The following TANC1 variants were observed in gnomAD, a reference collection of about 807,000 sequenced individuals.
The protein encoded by TANC1 is protein TANC1.
Under a neutral mutation model 149.7 loss-of-function variants are expected in TANC1, and 77 were observed. The ratio of observed to expected loss-of-function variants is 0.51; its 90% CI spans 0.43 to 0.62. The LOEUF is 0.62. Ranked by LOEUF, TANC1 falls within the 20% of genes least tolerant of loss-of-function variation. The pLI is 0.00. For synonymous variants in TANC1, 854 were observed against 925.0 expected (o/e 0.92, Z 1.39); for missense variants, 1,985 against 2,321.8 (o/e 0.85, Z 2.98).
intron 2 of TANC1, among the ~76,000 whole-genome samples, chr2:159,034,815 T>C (rs1319121159): frequency 1.3e-5 from 2 of 152,230 alleles, no homozygotes; most frequent in Non-Finnish European, 2.9e-5. Flanking sequence ...TTCTGTGGTA[T>C]TGTTTCCACT....
intron 13 of TANC1, among the ~76,000 whole-genome samples, 167 bp downstream of exon 13, chr2:159,176,685 T>A (rs2055889358): frequency 6.6e-6 from 1 of 152,152 alleles, no homozygotes; most frequent in Non-Finnish European, 1.5e-5. Context: ...AACTCTGACC[T>A]TTTTAGCCCC....
Position 159,230,160 on chromosome 2 carries a change from A to T in TANC1, c.4734A>T (p.Arg1578Ser). 5.0e-6 allele frequency: 8 copies of T among 1,614,084 alleles called. No homozygotes were observed. Among genetic ancestry groups the T allele is most frequent in the Non-Finnish European group, 6.8e-6 (8 of 1,180,004 alleles). The part of the protein sequence containing the change: ...GRIAATPAGS[R>S]TQHLEGTGTF... ...TCGCTGCCACTCCTGCTGGGAGCAGAACCCAGCATTTAGAGGGAACAGGTA... is the reference window on the plus strand; with the variant it reads ...TCGCTGCCACTCCTGCTGGGAGCAGTACCCAGCATTTAGAGGGAACAGGTA... Residue 1578 changes from arginine to serine, a missense_variant, in exon 27 of 27, where the codon AGA (arginine) becomes AGT (serine). Arg to Ser is a moderately radical substitution (Grantham distance 110, BLOSUM62 -1). Transcript: ENST00000263635. This position sits in a 1 kb window ranked among gnomAD's most constrained non-coding sequence, Gnocchi z 4.4.
intron 4 of TANC1, among the ~76,000 whole-genome samples, chr2:159,105,001 TTTTTTTTTTTTG>T (rs2047025289): frequency 4.1e-5 from 2 of 48,802 alleles, no homozygotes; most frequent in African/African-American, 1.4e-4. Context: ...TTTTTTTTTT[TTTTTTTTTTTTG>T]AGATGGAGTC....
intron 11 of TANC1, among the ~76,000 whole-genome samples, chr2:159,173,956 A>C (rs1406091572): frequency 2.6e-5 from 4 of 152,330 alleles, no homozygotes; most frequent in African/African-American, 9.6e-5. Flanking sequence ...TTGGCAAGGC[A>C]TCTAACCTCA....
chr2:159,084,023 G>A (rs1022916690), intron 3 of TANC1, among the ~76,000 whole-genome samples: 4 of 152,158 alleles, frequency 2.6e-5, no homozygotes, highest in Non-Finnish European at 2.9e-5. Context: ...AGGCCGAGGC[G>A]GGCGGATCAT....
chr2:158,970,773 CG>C (rs1460256319), intron 1 of TANC1, among the ~76,000 whole-genome samples: 1 of 152,074 alleles, frequency 6.6e-6, no homozygotes, highest in Non-Finnish European at 1.5e-5. Flanking sequence ...ATAGTGTCAT[CG>C]ATTTTAGTGG....
intron 4 of TANC1, among the ~76,000 whole-genome samples, chr2:159,102,105 C>T (rs1003766006): frequency 6.6e-6 from 1 of 152,128 alleles, no homozygotes; most frequent in African/African-American, 2.4e-5. Context: ...GAGTTAATGT[C>T]TGCGAAGGCA....
intron 26 of TANC1, among the ~76,000 whole-genome samples, chr2:159,229,179 A>G (rs2060199894): frequency 6.6e-6 from 1 of 152,080 alleles, no homozygotes. Flanking sequence ...AGTTTAGTCC[A>G]TATTTCAAGG....
chr2:159,151,802 T>C (rs1379868945), intron 7 of TANC1, among the ~76,000 whole-genome samples: 1 of 152,226 alleles, frequency 6.6e-6, no homozygotes, highest in African/African-American at 2.4e-5. Flanking sequence ...TCAGAATCTT[T>C]AATGGATTTT....
chr2:159,225,921 C>T, intron 24 of TANC1, 142 bp downstream of exon 24: 1 of 718,468 alleles, frequency 1.4e-6, no homozygotes, highest in Non-Finnish European at 2.5e-6. Context: ...GTGGCTCACG[C>T]CTGTAACTCC....
At chr2:159,043,002 C>T (rs1429900979) in intron 2 of TANC1, among the ~76,000 whole-genome samples, 5 of 152,086 alleles carry the variant, frequency 3.3e-5, no homozygotes, top group African/African-American at 1.2e-4. Flanking sequence ...TGGTGGTAAA[C>T]CGGATGCATC....
intron 1 of TANC1, among the ~76,000 whole-genome samples, chr2:158,995,240 TG>T (rs550602895): frequency 6.6e-6 from 1 of 152,046 alleles, no homozygotes; most frequent in Non-Finnish European, 1.5e-5. Flanking sequence ...GGTGGCTGGC[TG>T]GGGGGGCGCT....
intron 4 of TANC1, among the ~76,000 whole-genome samples, chr2:159,121,038 C>CT (rs1386919185): frequency 6.6e-6 from 1 of 152,148 alleles, no homozygotes. Context: ...GGGAGTATGT[C>CT]TTTGGGAACC....
intron 23 of TANC1, chr2:159,225,340 C>T (rs2059956866): frequency 2.8e-6 from 1 of 363,070 alleles, no homozygotes; most frequent in Admixed American, 4.1e-5. Context: ...GCTGAGAACA[C>T]ATGCCTGCAC....
At position 159,068,652 on chromosome 2, in the gene TANC1, A is replaced by G. The variant is rs74435003; in HGVS notation, c.61+2681A>G. 1.5e-3 allele frequency among the ~76,000 whole-genome samples: 225 copies of G among 152,344 alleles called. 2 individuals are homozygous for G. Among genetic ancestry groups the G allele is most frequent in the African/African-American group, 4.9e-3 (203 of 41,592 alleles). ...TAAAAAAAAGTTATCACCTATATCT[A>G]TAGGTAAAACTTTAGCAGGTATTGA... is the stretch of plus-strand genomic sequence containing the variant. On this transcript the variant is annotated intron_variant, in intron 3 of 26. Transcript: ENST00000263635.
intron 4 of TANC1, among the ~76,000 whole-genome samples, chr2:159,131,305 C>T (rs189988353): frequency 6.6e-6 from 1 of 152,136 alleles, no homozygotes; most frequent in Non-Finnish European, 1.5e-5. Flanking sequence ...TAGAATTGAG[C>T]CTTTCCAGAG....
At chr2:159,125,526 G>C (rs2049343153) in intron 4 of TANC1, among the ~76,000 whole-genome samples, 1 of 152,082 alleles carries the variant, frequency 6.6e-6, no homozygotes, top group African/African-American at 2.4e-5. Flanking sequence ...CAGGAGGGCA[G>C]AATTCAGTTC....
At chr2:159,167,420 A>G (rs2054715371) in intron 8 of TANC1, among the ~76,000 whole-genome samples, 2 of 152,310 alleles carry the variant, frequency 1.3e-5, no homozygotes, top group South Asian at 4.1e-4. Context: ...GGGAGATTTT[A>G]TACACCCTAC....
intron 3 of TANC1, among the ~76,000 whole-genome samples, chr2:159,085,571 C>T (rs918368380): frequency 5.9e-5 from 9 of 152,156 alleles, no homozygotes; most frequent in Non-Finnish European, 1.5e-5. Context: ...GTTATTTTGT[C>T]TCACAGTTCT....
Sources: allele counts gnomAD v4.1 joint callset (sites outside exome capture counted in the v4.1 genomes callset), GRCh38; gene constraint gnomAD v4.1.1; non-coding constraint Gnocchi (gnomAD v3.1); transcripts MANE v1.5; gene names NCBI Gene and HGNC (gene_info 2026-07-23, HGNC 2026-07-21).